The following SYNM variants were observed in gnomAD, a reference collection of about 807,000 sequenced individuals.
The protein encoded by SYNM is synemin.
In SYNM, 95 loss-of-function variants were observed where a neutral mutation model predicts 104.0. The observed-to-expected ratio is 0.91, with a 90% CI of 0.77 to 1.08. The LOEUF (loss-of-function observed/expected upper bound fraction) is 1.08. SYNM is among the 50% of genes least tolerant of loss of function. SYNM has a pLI of 0.00. For missense variants in SYNM, 2,150 were observed against 2,052.2 expected, an observed-to-expected ratio of 1.05 and a Z score of -0.92; for synonymous variants, 918 against 869.0, an observed-to-expected ratio of 1.06 and a Z score of -0.99.
intron 2 of SYNM, among the ~76,000 whole-genome samples, chr15:99,119,433 G>A (rs1236642461): frequency 5.3e-5 from 8 of 152,226 alleles, no homozygotes; most frequent in African/African-American, 1.7e-4. Flanking sequence ...AGTGGCCCAG[G>A]CGCAGGTAAG....
chr15:99,116,431 A>G (rs1307497346), intron 2 of SYNM, among the ~76,000 whole-genome samples: 5 of 104,298 alleles, frequency 4.8e-5, no homozygotes, highest in Non-Finnish European at 1.1e-4. Flanking sequence ...TATTACTCAT[A>G]TACCTGAAAG....
At chr15:99,115,550 C>T (rs373715194) in intron 2 of SYNM, among the ~76,000 whole-genome samples, 12 of 151,052 alleles carry the variant, frequency 7.9e-5, no homozygotes, top group East Asian at 1.9e-4. Flanking sequence ...CTGCAACCTC[C>T]GCCTCCTGGG....
At position 99,130,173 on chromosome 15, in the gene SYNM, G is replaced by T; in HGVS notation, c.1813G>T (p.Gly605Cys). Residue 605 changes from glycine (G) to cysteine (C), a missense_variant, in exon 4 of 4, where the codon GGT becomes TGT. By Grantham distance (159) the Gly-to-Cys change is radical. Transcript: ENST00000336292. ...GLQTPVKDAG[G>C]GTGREAEARE... is the part of the protein sequence containing the mutation. ...GCAGACGCCTGTGAAGGATGCTGGT[G>T]GTGGGACCGGTAGAGAGGCAGAAGC... is the stretch of plus-strand genomic sequence containing the variant. The T allele has an allele frequency of 6.2e-7, 1 of 1,613,904 alleles. No homozygotes were observed. The highest frequency in any genetic ancestry group is 8.5e-7 in the Non-Finnish European group (1 of 1,179,900).
chr15:99,131,555 T>C lies in SYNM; in HGVS notation c.3195T>C (p.Phe1065=), dbSNP rs260087. The C allele has an allele frequency of 0.75, 1,200,210 of 1,608,234 alleles. 448,822 individuals carry two copies. The highest frequency in any genetic ancestry group is 0.87 in the African/African-American group (65,363 of 75,030). Residue 1065 remains phenylalanine, a synonymous_variant, in exon 4 of 4, where the codon TTT becomes TTC. Transcript: ENST00000336292. This position sits in a 1 kb window ranked among gnomAD's most constrained non-coding sequence, Gnocchi z 4.3. ...GAEAPAAGIR[F]RRWATRELYI... ...AGGCCCCGGCTGCTGGCATTCGCTTTAGGCGTTGGGCCACCCGGGAGCTGT... is the reference window on the plus strand; with the variant it reads ...AGGCCCCGGCTGCTGGCATTCGCTTCAGGCGTTGGGCCACCCGGGAGCTGT...
intron 2 of SYNM, among the ~76,000 whole-genome samples, chr15:99,124,558 A>G (rs1242012770): frequency 1.3e-5 from 2 of 152,234 alleles, no homozygotes; most frequent in Non-Finnish European, 2.9e-5. Context: ...GAAATCACCA[A>G]GAGAATTTAT....
rs2067221476 is a variant in SYNM, at chr15:99,105,373, C to T, written c.174C>T (p.Ala58=). ...GREGLWAEGQ[A]RCAEEARSLR... ...AGGGCCTGTGGGCCGAGGGGCAGGC[C>T]CGCTGCGCCGAGGAGGCGCGCAGCT... The change falls in exon 1 of 4, where the codon GCC becomes GCT. Residue 58 remains alanine, a synonymous_variant. Transcript: ENST00000336292. 6.6e-7 allele frequency: 1 copy of T among 1,523,242 alleles called. No homozygotes were observed. Among genetic ancestry groups the T allele is most frequent in the South Asian group, 1.2e-5 (1 of 82,672 alleles). The allele number at this position is 1,523,242 out of a possible 1,614,324, so 94.4% of individuals were successfully genotyped here. A position where few individuals can be genotyped will look rare whatever the true frequency, so the allele number is the denominator to read the frequency against.
chr15:99,105,582 C>T lies in SYNM; in HGVS notation c.383C>T (p.Ala128Val). The change falls in exon 1 of 4, where the codon GCC (alanine) becomes GTC (valine). Residue 128 changes from alanine (A) to valine (V), a missense_variant. Transcript: ENST00000336292. ...RELQEALGAR[A>V]ALEALLGRLQ... ...CTGCAGGAGGCGCTGGGCGCGCGCGCCGCCCTCGAGGCGCTGCTGGGCCGG... is the reference window on the plus strand; with the variant it reads ...CTGCAGGAGGCGCTGGGCGCGCGCGTCGCCCTCGAGGCGCTGCTGGGCCGG... 8.7e-7 allele frequency: 1 copy of T among 1,145,398 alleles called. No homozygotes were observed. Among genetic ancestry groups the T allele is most frequent in the African/African-American group, 1.7e-5 (1 of 60,460 alleles). The allele number at this position is 1,145,398 out of a possible 1,614,324, so 71.0% of individuals were successfully genotyped here. A position where few individuals can be genotyped will look rare whatever the true frequency, so the allele number is the denominator to read the frequency against.
intron 1 of SYNM, among the ~76,000 whole-genome samples, chr15:99,109,012 C>T (rs2067275502): frequency 6.6e-6 from 1 of 152,186 alleles, no homozygotes; most frequent in African/African-American, 2.4e-5. Flanking sequence ...TTAATGCCCC[C>T]CTCCCCTGGA....
intron 2 of SYNM, among the ~76,000 whole-genome samples, chr15:99,124,827 C>T (rs781930701): frequency 6.6e-6 from 1 of 152,068 alleles, no homozygotes; most frequent in African/African-American, 2.4e-5. Flanking sequence ...GGGGTGGCTT[C>T]GACGGTGTAA....
chr15:99,130,886 C>G lies in SYNM; in HGVS notation c.2526C>G (p.His842Gln), dbSNP rs375313399. The G allele has an allele frequency of 3.7e-5, 59 of 1,613,780 alleles. No individual in the cohort carries two copies. The highest frequency in any genetic ancestry group is 5.0e-5 in the Non-Finnish European group (59 of 1,179,850). The change falls in exon 4 of 4, where the codon CAC becomes CAG. Residue 842 changes from histidine to glutamine, a missense_variant. By Grantham distance (24) the His-to-Gln change is conservative. Transcript: ENST00000336292. ...VSTPDEHPGGHDRDDGSVYGQ... is the reference protein window; with the variant it reads ...VSTPDEHPGGQDRDDGSVYGQ... ...CTCCAGATGAACACCCCGGGGGGCA[C>G]GACAGAGATGACGGCTCGGTGTACG...
At chr15:99,137,438 G>A (rs1347662386), downstream of SYNM, 3 of 152,312 alleles carry the variant, frequency 2.0e-5, no homozygotes, top group Non-Finnish European at 2.9e-5. Context: ...CAGGTGTGTC[G>A]GCCTCCTGCC....
chr15:99,105,880 G>C lies in SYNM; in HGVS notation c.681G>C (p.Thr227=). The change falls in exon 1 of 4, where the codon ACG becomes ACC. Residue 227 remains threonine (T), a synonymous_variant. Transcript: ENST00000336292. ...QESRLQAEEE[T]RLCAQEAEAL... ...GCAGACTCCAGGCGGAGGAAGAGAC[G>C]CGGCTGTGCGCGCAGGAGGCAGAGG... is the stretch of plus-strand genomic sequence containing the variant. The C allele has an allele frequency of 6.5e-7, 1 of 1,540,144 alleles. No homozygotes were observed. Among genetic ancestry groups the C allele is most frequent in the Non-Finnish European group, 8.7e-7 (1 of 1,146,120 alleles).
rs1439446967 is a variant in SYNM at position 99,131,404 on chromosome 15, A to G, written c.3044A>G (p.Asp1015Gly). 3 of 1,612,040 alleles carry G rather than the reference A, an allele frequency of 1.9e-6. No homozygotes were observed. The highest frequency in any genetic ancestry group is 1.6e-4 in the Middle Eastern group (1 of 6,082). ...VSQTVDADRL[D>G]LEELSKDEAS... ...CAAACTGTGGATGCCGATCGGTTAG[A>G]CCTGGAGGAGCTGAGCAAAGATGAG... The change falls in exon 4 of 4, where the codon GAC becomes GGC. Residue 1015 changes from aspartate (D) to glycine (G), a missense_variant. Coordinates refer to ENST00000336292, the MANE Select transcript of SYNM (RefSeq NM_145728.3). This position sits in a 1 kb window ranked among gnomAD's most constrained non-coding sequence, Gnocchi z 4.3.
At chr15:99,109,178 A>T (rs916281060) in intron 1 of SYNM, among the ~76,000 whole-genome samples, 8 of 152,142 alleles carry the variant, frequency 5.3e-5, no homozygotes, top group Non-Finnish European at 1.0e-4. Flanking sequence ...CCTTCACTGT[A>T]TGAGGCGGTA....
rs1555486192 is a variant in SYNM at position 99,132,749 on chromosome 15, G to C, written c.4389G>C (p.Gln1463His). ...CCAAAGAAACTTCGTTTACCTTTCA[G>C]ATGGATGTGAGTAACGTAGAGGCGA... ...PGPKETSFTF[Q>H]MDVSNVEAIR... Residue 1463 changes from glutamine to histidine, a missense_variant, in exon 4 of 4, where the codon CAG (glutamine) becomes CAC (histidine). Gln to His is a conservative substitution (Grantham distance 24). Transcript: ENST00000336292. 6.2e-7 allele frequency: 1 copy of C among 1,613,998 alleles called. No homozygotes were observed. The highest frequency in any genetic ancestry group is 8.5e-7 in the Non-Finnish European group (1 of 1,179,892).
chr15:99,126,593 C>T, intron 2 of SYNM, 129 bp from the exon 3 acceptor site: 2 of 940,640 alleles, frequency 2.1e-6, no homozygotes, highest in East Asian at 2.7e-5. Flanking sequence ...GCCCAAGTCT[C>T]CTCTTCAGGT....
intron 2 of SYNM, among the ~76,000 whole-genome samples, chr15:99,121,030 G>T (rs1456401647): frequency 1.3e-5 from 2 of 152,270 alleles, no homozygotes; most frequent in Admixed American, 6.5e-5. Flanking sequence ...ATTTGCAAAG[G>T]GATGTGGGGT....
At chr15:99,139,332 A>G, downstream of SYNM, 15 of 1,613,508 alleles carry the variant, frequency 9.3e-6, no homozygotes, top group Non-Finnish European at 1.3e-5. Context: ...CAGCATGCCC[A>G]TGGCCTGCTG....
At chr15:99,127,788 G>A (rs1178304090) in intron 3 of SYNM, among the ~76,000 whole-genome samples, 1 of 152,180 alleles carries the variant, frequency 6.6e-6, no homozygotes, top group Non-Finnish European at 1.5e-5. Context: ...CAGATTTCAA[G>A]GTTTACTTAG....
Sources: gnomAD v4.1 joint callset for allele counts (sites outside exome capture counted in the v4.1 genomes callset) on GRCh38, gnomAD v4.1.1 for gene constraint, Gnocchi (gnomAD v3.1) non-coding constraint, MANE v1.5 for transcripts, NCBI Gene and HGNC (gene_info 2026-07-23, HGNC 2026-07-21) for gene names.